The following CDC42BPB variants were observed in gnomAD, a reference collection of about 807,000 sequenced individuals.
CDC42BPB encodes serine/threonine-protein kinase MRCK beta.
CDC42BPB carries 37 observed loss-of-function variants against 214.9 expected under a neutral mutation model. That is an observed-to-expected ratio of 0.17 (90% CI 0.13 to 0.23). The LOEUF is 0.23. CDC42BPB is among the 10% of genes least tolerant of loss of function. The probability of loss-of-function intolerance (pLI) is 1.00; values close to 1 mark genes in which losing one functional copy is unlikely to be tolerated. For synonymous variants in CDC42BPB, 931 were observed against 884.0 expected (o/e 1.05, Z -0.94); for missense variants, 1,694 against 2,227.0 (o/e 0.76, Z 4.82).
intron 20 of CDC42BPB, 83 bp from the exon 21 acceptor site, chr14:102,959,793 T>C (rs1192875415): frequency 2.7e-6 from 4 of 1,459,098 alleles, no homozygotes; most frequent in Non-Finnish European, 3.6e-6. Context: ...GTCTTCAAGA[T>C]GTCAATTCTC....
intron 26 of CDC42BPB, 103 bp downstream of exon 26, chr14:102,949,662 A>G (rs1285939234): frequency 1.4e-6 from 2 of 1,420,662 alleles, no homozygotes; most frequent in Admixed American, 3.7e-5. Flanking sequence ...AAGCAGGTGA[A>G]GTACTAATGA....
intron 8 of CDC42BPB, among the ~76,000 whole-genome samples, chr14:102,979,107 T>C (rs1893885916): frequency 6.6e-6 from 1 of 152,192 alleles, no homozygotes; most frequent in African/African-American, 2.4e-5. Context: ...CTTTCAACAA[T>C]GACAATACTT....
intron 1 of CDC42BPB, among the ~76,000 whole-genome samples, chr14:103,027,248 T>C (rs970528494): frequency 2.6e-5 from 4 of 152,168 alleles, no homozygotes; most frequent in African/African-American, 9.7e-5. Context: ...GATTGTAAAA[T>C]GATGTAGCCT....
At position 103,003,985 on chromosome 14, in the gene CDC42BPB, G is replaced by C. The variant is rs371426927; in HGVS notation, c.390C>G (p.Asn130Lys). 5 of 1,609,792 alleles carry C rather than the reference G, an allele frequency of 3.1e-6. No homozygotes were observed. Among genetic ancestry groups the C allele is most frequent in the Non-Finnish European group, 4.2e-6 (5 of 1,179,388 alleles). The stretch of plus-strand genomic sequence containing the variant: ...GCGCGGTGATCCACTGGCAGTCGCC[G>C]TTCACCAGCACATCGCGCTCCTCTC... ...CFREERDVLVNGDCQWITALH... is the reference protein window; with the variant it reads ...CFREERDVLVKGDCQWITALH... The change falls in exon 4 of 37, where the codon AAC (asparagine) becomes AAG (lysine). Residue 130 changes from asparagine to lysine, a missense_variant. Around this residue, in one of 7 missense-constraint regions of CDC42BPB, gnomAD observed 225 missense variants for 459.3 expected, o/e 0.49. Transcript: ENST00000361246.
At chr14:102,938,627 CT>C (rs1302678767) in intron 34 of CDC42BPB, 3 of 911,466 alleles carry the variant, frequency 3.3e-6, no homozygotes, top group Non-Finnish European at 3.9e-6. Flanking sequence ...AAAAAGCGTA[CT>C]TTTTTTGTTT....
intron 1 of CDC42BPB, among the ~76,000 whole-genome samples, chr14:103,035,794 C>T (rs1237602977): frequency 2.0e-5 from 3 of 151,840 alleles, no homozygotes; most frequent in Non-Finnish European, 2.9e-5. Flanking sequence ...GAGCGGAGAT[C>T]ACGCCACTGC....
chr14:102,966,947 G>C, intron 17 of CDC42BPB, 99 bp downstream of exon 17: 1 of 1,388,126 alleles, frequency 7.2e-7, no homozygotes, highest in Non-Finnish European at 9.9e-7. Flanking sequence ...GAGAGGCACG[G>C]CCTGGCGTGG....
chr14:102,934,491 A>ACG (rs1891547554), intron 36 of CDC42BPB, among the ~76,000 whole-genome samples: 4 of 151,972 alleles, frequency 2.6e-5, no homozygotes, highest in Admixed American at 1.3e-4. Context: ...CCGAGACTGC[A>ACG]CCACTGCACT....
At chr14:102,941,754 C>T (rs537555223) in intron 30 of CDC42BPB, among the ~76,000 whole-genome samples, 44 of 152,348 alleles carry the variant, frequency 2.9e-4, no homozygotes, top group African/African-American at 9.1e-4. Context: ...ATACAGAGCA[C>T]GCGGCCCCTG....
intron 20 of CDC42BPB, among the ~76,000 whole-genome samples, chr14:102,961,459 T>C (rs1046094131): frequency 2.0e-5 from 3 of 151,882 alleles, no homozygotes; most frequent in African/African-American, 7.3e-5. Flanking sequence ...CTCAGCCTCC[T>C]GAGTAGCTGG....
chr14:103,032,140 G>A (rs1251811321), intron 1 of CDC42BPB, among the ~76,000 whole-genome samples: 4 of 151,986 alleles, frequency 2.6e-5, no homozygotes, highest in African/African-American at 9.7e-5. Flanking sequence ...GAAGCAACAC[G>A]TATTTCATTC....
intron 5 of CDC42BPB, among the ~76,000 whole-genome samples, chr14:102,987,622 G>A (rs996936249): frequency 6.6e-6 from 1 of 152,150 alleles, no homozygotes; most frequent in African/African-American, 2.4e-5. Flanking sequence ...AACATGGGCA[G>A]ATGATAATTC....
intron 1 of CDC42BPB, among the ~76,000 whole-genome samples, chr14:103,026,252 A>G (rs1455734312): frequency 6.6e-6 from 1 of 151,394 alleles, no homozygotes; most frequent in Non-Finnish European, 1.5e-5. Context: ...TTAGCTGGGC[A>G]TGGTGGCACA....
intron 1 of CDC42BPB, among the ~76,000 whole-genome samples, chr14:103,018,706 TC>T (rs1222906494): frequency 1.3e-5 from 2 of 152,190 alleles, no homozygotes. Flanking sequence ...GGCAACGGAA[TC>T]CAATTACATC....
chr14:103,032,113 T>C (rs1292097799), intron 1 of CDC42BPB, among the ~76,000 whole-genome samples: 3 of 152,026 alleles, frequency 2.0e-5, no homozygotes, highest in Non-Finnish European at 4.4e-5. Flanking sequence ...CAGGTGTTTC[T>C]GATATGAAGG....
chr14:102,978,078 C>T (rs1444545723), intron 9 of CDC42BPB, 48 bp downstream of exon 9: 3 of 1,414,218 alleles, frequency 2.1e-6, no homozygotes, highest in African/African-American at 2.8e-5. Context: ...GACTGTTCAT[C>T]TACCACAGGG....
At position 102,974,106 on chromosome 14, in the gene CDC42BPB, A is replaced by G. The variant is rs918570647; in HGVS notation, c.1551T>C (p.Leu517=). 65 of 1,614,014 alleles carry G rather than the reference A, an allele frequency of 4.0e-5. No homozygotes were observed. Among genetic ancestry groups the G allele is most frequent in the Non-Finnish European group, 5.3e-5 (63 of 1,179,976 alleles). The change falls in exon 12 of 37, where the codon CTT becomes CTC. Residue 517 remains leucine, a synonymous_variant. Coordinates refer to ENST00000361246, the MANE Select transcript of CDC42BPB (RefSeq NM_006035.4). ...LERQLEDTVA[L]RQEREDSTQR... The stretch of plus-strand genomic sequence containing the variant: ...GCGTGGAGTCCTCACGCTCTTGGCG[A>G]AGCGCCACTGTGTCCTCAAGCTGTC...
chr14:103,043,056 A>G (rs1448321008), intron 1 of CDC42BPB, among the ~76,000 whole-genome samples: 1 of 152,188 alleles, frequency 6.6e-6, no homozygotes, highest in Non-Finnish European at 1.5e-5. Context: ...CAGGGGTTTG[A>G]GACCAGCCTG....
At position 102,999,771 on chromosome 14, in the gene CDC42BPB, C is replaced by G. The variant is rs536352508; in HGVS notation, c.448-58G>C. The G allele has an allele frequency of 6.4e-5, 103 of 1,600,442 alleles. No homozygotes were observed. The South Asian group carries it at 1.1e-3, about 17-fold the overall frequency. ...CACATTTAGTCACCACTAAACCTGA[C>G]AGTTACAGGCCAGTCTTCCATGGCG... On this transcript the variant is annotated intron_variant, in intron 4 of 36. Coordinates refer to ENST00000361246, the MANE Select transcript of CDC42BPB (RefSeq NM_006035.4).
Sources: allele counts gnomAD v4.1 joint callset (sites outside exome capture counted in the v4.1 genomes callset), GRCh38; gene constraint gnomAD v4.1.1; regional missense constraint gnomAD v4.1.1; transcripts MANE v1.5; gene names NCBI Gene and HGNC (gene_info 2026-07-23, HGNC 2026-07-21).